Variants in NSMF observed in about 807,000 individuals in gnomAD.
NSMF encodes nasal embryonic LHRH factor.
NSMF carries 31 observed loss-of-function variants against 71.0 expected under a neutral mutation model. The observed-to-expected ratio is 0.44, with a 90% CI of 0.33 to 0.59. NSMF has a LOEUF of 0.59. NSMF is among the 20% of genes least tolerant of loss of function. The probability of loss-of-function intolerance (pLI) is 0.04; values close to 1 mark genes in which losing one functional copy is unlikely to be tolerated. For missense variants in NSMF, 673 were observed against 740.5 expected (o/e 0.91, Z 1.06); for synonymous variants, 345 against 287.1 (o/e 1.20, Z -2.04).
At chr9:137,450,914 C>T (rs182689394) in intron 12 of NSMF, among the ~76,000 whole-genome samples, 13 of 19,620 alleles carry the variant, frequency 6.6e-4, no homozygotes, top group African/African-American at 3.1e-3. Context: ...GCCTCTTCCC[C>T]TTGATCTCCC....
chr9:137,452,930 C>A, intron 9 of NSMF, 111 bp from the exon 10 acceptor site: 1 of 1,558,894 alleles, frequency 6.4e-7, no homozygotes, highest in South Asian at 1.1e-5. Flanking sequence ...AGGGTATAGC[C>A]CTGTGAGACA....
chr9:137,456,239 G>T, intron 4 of NSMF, 172 bp downstream of exon 4: 1 of 730,188 alleles, frequency 1.4e-6, no homozygotes, highest in Non-Finnish European at 2.5e-6. Flanking sequence ...GCCATGGGAG[G>T]GGAAGAGCAG....
At position 137,453,971 on chromosome 9, in the gene NSMF, C is replaced by T. The variant is rs1830689672; in HGVS notation, c.833-151G>A. ...ACATGAAGCAGACACGGACCAGAGG[C>T]TCGGTTGGTTCAGGGGCAGGATCTG... On this transcript the variant is annotated intron_variant, in intron 7 of 15. Coordinates refer to ENST00000371475, the MANE Select transcript of NSMF (RefSeq NM_001130969.3). This position sits in a 1 kb window ranked among gnomAD's most constrained non-coding sequence, Gnocchi z 4.5. 3.0e-6 allele frequency: 2 copies of T among 675,924 alleles called. No individual in the cohort carries two copies. The highest frequency in any genetic ancestry group is 5.1e-6 in the Non-Finnish European group (2 of 388,872). 41.9% of individuals were successfully genotyped at this position (675,924 alleles called of 1,614,324 possible). A position where few individuals can be genotyped will look rare whatever the true frequency, so the allele number is the denominator to read the frequency against.
In NSMF at chr9:137,455,228, G is replaced by T. The variant is rs751925940; in HGVS notation, c.779+11C>A. On this transcript the variant is annotated intron_variant, in intron 6 of 15. Transcript: ENST00000371475. ...GATGGACCCTGGTGGCGAGTGGCTG[G>T]CAGGCCCTACCTCTGGATTACAGAC... 3.1e-6 allele frequency: 5 copies of T among 1,612,284 alleles called. No homozygotes were observed. In the South Asian group the frequency reaches 5.5e-5, roughly 18 times the overall value.
chr9:137,453,020 G>C lies in NSMF; in HGVS notation c.1047+36C>G, dbSNP rs753564103. On this transcript the variant is annotated intron_variant, in intron 9 of 15. Transcript: ENST00000371475. The surrounding 1 kb of genome is among the most constrained non-coding windows in gnomAD (Gnocchi z 4.5). Reference sequence around the variant, plus strand: ...CTCGGGTTGGGGCGGAGTCCTGCTCGGGGTGTAGAGGAGCACTGCCCGGGC... The same window carrying C: ...CTCGGGTTGGGGCGGAGTCCTGCTCCGGGTGTAGAGGAGCACTGCCCGGGC... 7 of 1,610,834 alleles carry C rather than the reference G, an allele frequency of 4.3e-6. No homozygotes were observed. Among genetic ancestry groups the C allele is most frequent in the Admixed American group, 3.3e-5 (2 of 60,020 alleles).
chr9:137,449,322 C>A lies in NSMF; in HGVS notation c.*72G>T, dbSNP rs891127147. On this transcript the variant is annotated 3_prime_UTR_variant, in exon 16 of 16. Transcript: ENST00000371475. ...CGGAGCCACACAGTCCCGGGGAGCA[C>A]GAGGCGGCCCAGCCCCAGGTCCCGG... The A allele has an allele frequency of 2.3e-6, 3 of 1,313,200 alleles. No individual in the cohort carries two copies. The highest frequency in any genetic ancestry group is 3.3e-6 in the Non-Finnish European group (3 of 919,186). The allele number at this position is 1,313,200 out of a possible 1,614,324, so 81.3% of individuals were successfully genotyped here.
chr9:137,454,763 C>T (rs1830748551), intron 6 of NSMF: 3 of 1,428,220 alleles, frequency 2.1e-6, no homozygotes, highest in East Asian at 5.9e-5. Context: ...GCCTCCACGC[C>T]CATGTGGCAG....
rs759294561 is a variant in NSMF at position 137,452,429 on chromosome 9, A to G, written c.1172T>C (p.Ile391Thr). 2 of 1,611,442 alleles carry G rather than the reference A, an allele frequency of 1.2e-6. No individual in the cohort carries two copies. The highest frequency in any genetic ancestry group is 1.7e-6 in the Non-Finnish European group (2 of 1,179,546). Reference protein sequence around the residue: ...HATFEDILEEIERKLNVYHKG... With the variant: ...HATFEDILEETERKLNVYHKG... ...GTGGTAGACGTTCAGCTTCCTCTCT[A>G]TCTCCTCTGTGGGAGAGCGGGTGTG... Residue 391 changes from isoleucine (I) to threonine (T), a missense_variant, in exon 12 of 16, where the codon ATA becomes ACA. By Grantham distance (89) the Ile-to-Thr change is moderately conservative. Around this residue, in one of 2 missense-constraint regions of NSMF, gnomAD observed 202 missense variants for 280.8 expected, o/e 0.72. Transcript: ENST00000371475.
Position 137,455,274 on chromosome 9 carries a change from C to T in NSMF, c.744G>A (p.Arg248=). 6.2e-7 allele frequency: 1 copy of T among 1,612,834 alleles called. No individual in the cohort carries two copies. Among genetic ancestry groups the T allele is most frequent in the Non-Finnish European group, 8.5e-7 (1 of 1,179,938 alleles). ...VFRGYAERKR[R]KRENDSASVI... is the part of the protein sequence containing the mutation. ...CAGACGCGGAATCATTCTCCCGTTT[C>T]CGGCGCTTCCTCTCCGCGTAGCCCC... The change falls in exon 6 of 16, where the codon CGG becomes CGA. Residue 248 remains arginine, a synonymous_variant. Transcript: ENST00000371475.
intron 3 of NSMF, 30 bp from the exon 4 acceptor site, chr9:137,456,516 G>A (rs767453600): frequency 2.0e-6 from 3 of 1,464,340 alleles, no homozygotes; most frequent in Non-Finnish European, 2.9e-6. Flanking sequence ...GCGGTGGCTG[G>A]GTGAAGTAGG....
At position 137,453,080 on chromosome 9, in the gene NSMF, T is replaced by C; in HGVS notation, c.1023A>G (p.Glu341=). The C allele has an allele frequency of 3.1e-6, 5 of 1,612,572 alleles. No individual in the cohort carries two copies. The highest frequency in any genetic ancestry group is 4.2e-6 in the Non-Finnish European group (5 of 1,179,890). The change falls in exon 9 of 16, where the codon GAA becomes GAG. Residue 341 remains glutamate, a synonymous_variant. Coordinates refer to ENST00000371475, the MANE Select transcript of NSMF (RefSeq NM_001130969.3). This position sits in a 1 kb window ranked among gnomAD's most constrained non-coding sequence, Gnocchi z 4.5. ...KGLEAVACDT[E]GFVPPKVMLI... The stretch of plus-strand genomic sequence containing the variant: ...CCATGACCTTTGGTGGCACGAAGCC[T>C]TCGGTGTCGCAGGCCACAGCCTCCA...
Position 137,456,457 on chromosome 9 carries a change from T to C in NSMF, c.658A>G (p.Lys220Glu). 3 of 1,613,290 alleles carry C rather than the reference T, an allele frequency of 1.9e-6. No homozygotes were observed. Among genetic ancestry groups the C allele is most frequent in the Non-Finnish European group, 2.5e-6 (3 of 1,179,752 alleles). ...DDIPIRTWFP[K>E]ENLFSFQTAT... The stretch of plus-strand genomic sequence containing the variant: ...GTCTGGAAGCTGAAAAGATTTTCCT[T>C]GGGGAACCAGGTACGAATAGGGATG... Residue 220 changes from lysine (K) to glutamate (E), a missense_variant, in exon 4 of 16, where the codon AAG (lysine) becomes GAG (glutamate). By Grantham distance (56) the Lys-to-Glu change is moderately conservative. Around this residue, in one of 2 missense-constraint regions of NSMF, gnomAD observed 471 missense variants for 459.6 expected, o/e 1.02. Coordinates refer to ENST00000371475, the MANE Select transcript of NSMF (RefSeq NM_001130969.3).
Position 137,454,294 on chromosome 9 carries a change from T to C in NSMF, c.832+97A>G, listed in dbSNP as rs1478285258. ...GCCTGAGGCAGGGCCCGATTGGGGT[T>C]GGGGCGGGGGTCGTTCTTATCGCAG... On this transcript the variant is annotated intron_variant, in intron 7 of 15. Coordinates refer to ENST00000371475, the MANE Select transcript of NSMF (RefSeq NM_001130969.3). The C allele has an allele frequency of 3.3e-6, 4 of 1,218,894 alleles. No homozygotes were observed. The South Asian group carries it at 5.2e-5, about 16-fold the overall frequency. The allele number at this position is 1,218,894 out of a possible 1,614,324, so 75.5% of individuals were successfully genotyped here. A position where few individuals can be genotyped will look rare whatever the true frequency, so the allele number is the denominator to read the frequency against.
intron 6 of NSMF, chr9:137,454,748 C>T: frequency 6.9e-7 from 1 of 1,458,438 alleles, no homozygotes; most frequent in Non-Finnish European, 9.1e-7. Context: ...GGACTTACGC[C>T]CTGAGCCTCC....
In NSMF at chr9:137,457,757, G is replaced by A. The variant is rs765522311; in HGVS notation, c.278C>T (p.Ala93Val). ...LSEEPSIRKP[A>V]GEGPQPRVYT... Reference sequence around the variant, plus strand: ...CACTCGAGGCTGAGGGCCCTCGCCTGCGGGCTTCCTAATGCTGGGCTCCTC... The same window carrying A: ...CACTCGAGGCTGAGGGCCCTCGCCTACGGGCTTCCTAATGCTGGGCTCCTC... Residue 93 changes from alanine (A) to valine (V), a missense_variant, in exon 3 of 16, where the codon GCA (alanine) becomes GTA (valine). This residue lies in a region of NSMF where 471 missense variants were observed against 459.6 expected (regional missense o/e 1.02). Transcript: ENST00000371475. 1.5e-5 allele frequency: 24 copies of A among 1,559,560 alleles called. No homozygotes were observed. Among genetic ancestry groups the A allele is most frequent in the Admixed American group, 1.9e-5 (1 of 51,618 alleles).
Position 137,449,391 on chromosome 9 carries a change from C to A in NSMF, c.*3G>T, listed in dbSNP as rs1839784058. The A allele has an allele frequency of 6.2e-7, 1 of 1,611,664 alleles. No individual in the cohort carries two copies. Among genetic ancestry groups the A allele is most frequent in the Non-Finnish European group, 8.5e-7 (1 of 1,179,078 alleles). ...ATGGTGACTGGGCGGAGGCCTCTGC[C>A]CCTCACAGGACGTCGTCAAAGTCCA... On this transcript the variant is annotated 3_prime_UTR_variant, in exon 16 of 16. Transcript: ENST00000371475.
intron 3 of NSMF, 142 bp downstream of exon 3, chr9:137,457,265 C>T (rs1362469451): frequency 4.1e-6 from 5 of 1,231,640 alleles, no homozygotes; most frequent in Non-Finnish European, 5.9e-6. Context: ...CAGAAGCCTG[C>T]CGGTTTTAAT....
intron 1 of NSMF, among the ~76,000 whole-genome samples, 189 bp from the exon 2 acceptor site, chr9:137,458,738 C>T (rs1349815104): frequency 1.3e-5 from 2 of 152,130 alleles, no homozygotes; most frequent in Non-Finnish European, 1.5e-5. Context: ...CAGGCCCGGC[C>T]CCTGCCCGTC....
At chr9:137,458,041 C>A in intron 2 of NSMF, 140 bp from the exon 3 acceptor site, 2 of 1,254,200 alleles carry the variant, frequency 1.6e-6, no homozygotes, top group Non-Finnish European at 2.2e-6. Flanking sequence ...TAGTCACTGG[C>A]GTGTTTCTGA....
Sources: gnomAD v4.1 joint callset for allele counts (sites outside exome capture counted in the v4.1 genomes callset) on GRCh38, gnomAD v4.1.1 for gene constraint, gnomAD v4.1.1 regional missense constraint, Gnocchi (gnomAD v3.1) non-coding constraint, MANE v1.5 for transcripts, NCBI Gene and HGNC (gene_info 2026-07-23, HGNC 2026-07-21) for gene names.